The following HTATIP2 variants were observed in gnomAD, a reference collection of about 807,000 sequenced individuals.
HTATIP2 encodes HIV-1 Tat interactive protein 2, also known as protein HTATIP2.
A neutral mutation model predicts 24.7 loss-of-function variants in HTATIP2; 26 were observed. The observed-to-expected ratio is 1.05, with a 90% CI of 0.77 to 1.46. HTATIP2 has a LOEUF of 1.46. Among genes scored for constraint, HTATIP2 ranks in the 40% most tolerant of loss-of-function variants. HTATIP2 has a pLI of 0.00. For synonymous variants in HTATIP2, 99 were observed against 113.2 expected (o/e 0.87, Z 0.79); for missense variants, 284 against 289.6 (o/e 0.98, Z 0.14).
At chr11:20,368,911 A>G (rs1254499414) in intron 2 of HTATIP2, among the ~76,000 whole-genome samples, 1 of 152,220 alleles carries the variant, frequency 6.6e-6, no homozygotes, top group African/African-American at 2.4e-5. Flanking sequence ...ATCAATTTGG[A>G]AAGATAAAAG....
chr11:20,376,812 C>G, intron 3 of HTATIP2, 95 bp downstream of exon 3: 1 of 871,872 alleles, frequency 1.1e-6, no homozygotes, highest in Non-Finnish European at 1.7e-6. Context: ...CAAAAACCAT[C>G]AAATGCATCA....
Position 20,364,109 on chromosome 11 carries a change from C to A in HTATIP2, c.-129C>A, listed in dbSNP as rs2064666227. The stretch of plus-strand genomic sequence containing the variant: ...CGCCCCGCACGTGACTCAGCACTTT[C>A]CCCAGAGCCCGGACTGCGGAGAACA... On this transcript the variant is annotated 5_prime_UTR_variant, in exon 1 of 5. Transcript: ENST00000451739. 2.1e-6 allele frequency: 3 copies of A among 1,435,306 alleles called. No homozygotes were observed. Among genetic ancestry groups the A allele is most frequent in the East Asian group, 2.5e-5 (1 of 40,302 alleles). The allele number at this position is 1,435,306 out of a possible 1,614,324, so 88.9% of individuals were successfully genotyped here.
Position 20,364,222 on chromosome 11 carries a change from A to T in HTATIP2, c.-16A>T, listed in dbSNP as rs954472607. ...GACACCCTAAGACCGGCATCTGTCG[A>T]TGTTATTTCCCCAGCATGGCCGAAA... is the stretch of plus-strand genomic sequence containing the variant. On this transcript the variant is annotated 5_prime_UTR_variant, in exon 1 of 5. The change abolishes an upstream ATG in the 5' untranslated region. Coordinates refer to ENST00000451739, the MANE Select transcript of HTATIP2 (RefSeq NM_001098522.2). The T allele has an allele frequency of 6.3e-7, 1 of 1,585,506 alleles. No homozygotes were observed. Among genetic ancestry groups the T allele is most frequent in the Non-Finnish European group, 8.6e-7 (1 of 1,161,376 alleles).
Position 20,383,316 on chromosome 11 carries a change from C to A in HTATIP2, c.*111C>A. 1.3e-6 allele frequency: 1 copy of A among 750,420 alleles called. No homozygotes were observed. The highest frequency in any genetic ancestry group is 2.2e-6 in the Non-Finnish European group (1 of 459,370). 46.5% of individuals were successfully genotyped at this position (750,420 alleles called of 1,614,324 possible). A position where few individuals can be genotyped will look rare whatever the true frequency, so the allele number is the denominator to read the frequency against. On this transcript the variant is annotated 3_prime_UTR_variant, in exon 5 of 5. Transcript: ENST00000451739. ...TTTAACTTTGTTGTTTTACTATCCT[C>A]AGGCATCCATTCCAATCAAGAAATG... is the stretch of plus-strand genomic sequence containing the variant.
rs751841952 is a variant in HTATIP2 at position 20,383,254 on chromosome 11, A to T, written c.*49A>T. On this transcript the variant is annotated 3_prime_UTR_variant, in exon 5 of 5. Coordinates refer to ENST00000451739, the MANE Select transcript of HTATIP2 (RefSeq NM_001098522.2). Reference sequence around the variant, plus strand: ...TTGTCAACCTTAACACCCATCACCAAATCGGTAATTTCAGGGTCTAAAAAA... The same window carrying T: ...TTGTCAACCTTAACACCCATCACCATATCGGTAATTTCAGGGTCTAAAAAA... 7.1e-7 allele frequency: 1 copy of T among 1,407,886 alleles called. No homozygotes were observed. Among genetic ancestry groups the T allele is most frequent in the South Asian group, 1.2e-5 (1 of 81,724 alleles). The allele number at this position is 1,407,886 out of a possible 1,614,324, so 87.2% of individuals were successfully genotyped here.
chr11:20,376,464 AT>A, intron 2 of HTATIP2, 115 bp from the exon 3 acceptor site: 1 of 1,168,686 alleles, frequency 8.6e-7, no homozygotes, highest in Non-Finnish European at 1.3e-6. Context: ...GCTTGGACAC[AT>A]TTTATTTAGA....
chr11:20,373,843 T>C (rs1848402573), intron 2 of HTATIP2, among the ~76,000 whole-genome samples: 1 of 152,216 alleles, frequency 6.6e-6, no homozygotes, highest in African/African-American at 2.4e-5. Flanking sequence ...GGTAATCACT[T>C]CTCTCAGGAT....
Position 20,383,520 on chromosome 11 carries a change from C to A in HTATIP2, c.*315C>A. 1 of 285,932 alleles carries A rather than the reference C, an allele frequency of 3.5e-6. No individual in the cohort carries two copies. 17.7% of individuals were successfully genotyped at this position (285,932 alleles called of 1,614,324 possible). On this transcript the variant is annotated 3_prime_UTR_variant, in exon 5 of 5. Coordinates refer to ENST00000451739, the MANE Select transcript of HTATIP2 (RefSeq NM_001098522.2). ...TCCCCTGATGCCACTGGTTCCGATG[C>A]CACTGGCTGGGGGGCCTGCTTTGAA... is the stretch of plus-strand genomic sequence containing the variant.
intron 2 of HTATIP2, chr11:20,367,503 C>A (rs887117150): frequency 2.2e-5 from 32 of 1,439,892 alleles, no homozygotes; most frequent in Non-Finnish European, 2.5e-5. Flanking sequence ...GTGCTGGAGA[C>A]GTCGTAAATA....
In HTATIP2 at chr11:20,363,904, T is replaced by G; in HGVS notation, c.-334T>G. 8.0e-7 allele frequency: 1 copy of G among 1,242,548 alleles called. No homozygotes were observed. The allele number at this position is 1,242,548 out of a possible 1,614,324, so 77.0% of individuals were successfully genotyped here. A position where few individuals can be genotyped will look rare whatever the true frequency, so the allele number is the denominator to read the frequency against. Reference sequence around the variant, plus strand: ...GTCGTGAGGACCCGGGGCCGGGGGCTGGCCCCAGGTAACCCCTCCGCGTAT... The same window carrying G: ...GTCGTGAGGACCCGGGGCCGGGGGCGGGCCCCAGGTAACCCCTCCGCGTAT... On this transcript the variant is annotated 5_prime_UTR_variant, in exon 1 of 5. Coordinates refer to ENST00000451739, the MANE Select transcript of HTATIP2 (RefSeq NM_001098522.2).
intron 1 of HTATIP2, among the ~76,000 whole-genome samples, chr11:20,366,078 CT>C (rs2064700423): frequency 7.4e-6 from 1 of 135,998 alleles, no homozygotes; most frequent in African/African-American, 2.7e-5. Context: ...CCCTATTTTT[CT>C]TTTTCTTTTC....
At chr11:20,366,202 C>T (rs192984361) in intron 1 of HTATIP2, among the ~76,000 whole-genome samples, 12 of 146,910 alleles carry the variant, frequency 8.2e-5, no homozygotes, top group African/African-American at 2.3e-4. Context: ...CCTGGGTTCA[C>T]GCCATTCTCC....
Position 20,364,035 on chromosome 11 carries a change from C to T in HTATIP2, c.-203C>T, listed in dbSNP as rs943802191. On this transcript the variant is annotated 5_prime_UTR_variant, in exon 1 of 5. Transcript: ENST00000451739. ...CTGGGCGCACCCTCCAGCTCGGGCC[C>T]CTTCCGATGGGTCTGCTGGCTCAGG... The T allele has an allele frequency of 2.3e-6, 3 of 1,314,244 alleles. No homozygotes were observed. Among genetic ancestry groups the T allele is most frequent in the African/African-American group, 3.0e-5 (2 of 66,330 alleles). The allele number at this position is 1,314,244 out of a possible 1,614,324, so 81.4% of individuals were successfully genotyped here. A position where few individuals can be genotyped will look rare whatever the true frequency, so the allele number is the denominator to read the frequency against.
chr11:20,369,003 A>G (rs1027765624), intron 2 of HTATIP2, among the ~76,000 whole-genome samples: 24 of 152,338 alleles, frequency 1.6e-4, no homozygotes, highest in African/African-American at 5.5e-4. Flanking sequence ...TAAATGATTT[A>G]AGAGGTTAGT....
Position 20,363,847 on chromosome 11 carries a change from G to T in HTATIP2, c.-391G>T, listed in dbSNP as rs938532778. ...CTGCGGCGCTGAGCGCGGCGGCGGCGGCTGCTCTGGCGGCCGCCCTGCTCC... is the reference window on the plus strand; with the variant it reads ...CTGCGGCGCTGAGCGCGGCGGCGGCTGCTGCTCTGGCGGCCGCCCTGCTCC... On this transcript the variant is annotated 5_prime_UTR_variant, in exon 1 of 5. Transcript: ENST00000451739. 2 of 1,244,620 alleles carry T rather than the reference G, an allele frequency of 1.6e-6. No homozygotes were observed. The highest frequency in any genetic ancestry group is 4.0e-5 in the South Asian group (1 of 25,000). The allele number at this position is 1,244,620 out of a possible 1,614,324, so 77.1% of individuals were successfully genotyped here.
intron 2 of HTATIP2, among the ~76,000 whole-genome samples, chr11:20,368,494 C>T (rs1487981025): frequency 6.6e-6 from 1 of 152,168 alleles, no homozygotes; most frequent in South Asian, 2.1e-4. Context: ...GTTTGACTTT[C>T]CCAGGAATTG....
At chr11:20,367,060 T>A (rs2064716859) in intron 1 of HTATIP2, 114 bp from the exon 2 acceptor site, 2 of 1,242,708 alleles carry the variant, frequency 1.6e-6, no homozygotes, top group Non-Finnish European at 2.2e-6. Flanking sequence ...AAATTTGATG[T>A]TAAGTGGACA....
chr11:20,383,354 A>G lies in HTATIP2; in HGVS notation c.*149A>G, dbSNP rs1848551076. The stretch of plus-strand genomic sequence containing the variant: ...CAATCAAGAAATGATGGTGCTCTGC[A>G]TCAGTGGTTCAGAGCCTGGTTATAC... On this transcript the variant is annotated 3_prime_UTR_variant, in exon 5 of 5. Coordinates refer to ENST00000451739, the MANE Select transcript of HTATIP2 (RefSeq NM_001098522.2). 1.6e-6 allele frequency: 1 copy of G among 634,958 alleles called. No individual in the cohort carries two copies. The highest frequency in any genetic ancestry group is 2.8e-5 in the Admixed American group (1 of 35,328). The allele number at this position is 634,958 out of a possible 1,614,324, so 39.3% of individuals were successfully genotyped here.
chr11:20,382,461 C>T (rs991068208), intron 4 of HTATIP2, among the ~76,000 whole-genome samples: 4 of 152,202 alleles, frequency 2.6e-5, no homozygotes, highest in Non-Finnish European at 5.9e-5. Context: ...ACAGCATTTG[C>T]TGCCTTCTTA....
Sources: gnomAD v4.1 joint callset for allele counts (sites outside exome capture counted in the v4.1 genomes callset) on GRCh38, gnomAD v4.1.1 for gene constraint, MANE v1.5 for transcripts, NCBI Gene and HGNC (gene_info 2026-07-23, HGNC 2026-07-21) for gene names.